The following DPP6 variants were observed in gnomAD, a reference collection of about 807,000 sequenced individuals.
DPP6 encodes the protein dipeptidyl peptidase like 6, also known as A-type potassium channel modulatory protein DPP6.
A neutral mutation model predicts 122.6 loss-of-function variants in DPP6; 69 were observed. The ratio of observed to expected loss-of-function variants is 0.56; its 90% CI spans 0.46 to 0.69. The LOEUF is 0.69. Among genes scored for constraint, DPP6 ranks in the 30% least tolerant of loss-of-function variants. The pLI is 0.00. For missense variants in DPP6, 928 were observed against 1,116.9 expected (o/e 0.83, Z 2.41); for synonymous variants, 418 against 433.1 (o/e 0.97, Z 0.43).
At chr7:154,621,614 A>G (rs902348136) in intron 5 of DPP6, among the ~76,000 whole-genome samples, 16 of 152,242 alleles carry the variant, frequency 1.1e-4, no homozygotes, top group East Asian at 1.9e-4. Context: ...TGATCCGCCC[A>G]CCTTGGCCTC....
chr7:154,063,564 C>A (rs150782198), intron 1 of DPP6, among the ~76,000 whole-genome samples: 3,571 of 125,842 alleles, frequency 0.028, 133 homozygotes, highest in South Asian at 0.05. Context: ...AGAGCTATCC[C>A]CTCTTCCGCC....
chr7:154,699,225 C>T (rs1350294479), intron 7 of DPP6, among the ~76,000 whole-genome samples: 1 of 152,100 alleles, frequency 6.6e-6, no homozygotes, highest in Non-Finnish European at 1.5e-5. Flanking sequence ...TGCTAGAAGC[C>T]GGAGGCCACT....
chr7:154,804,512 G>A (rs532738408), intron 14 of DPP6, among the ~76,000 whole-genome samples: 6 of 152,288 alleles, frequency 3.9e-5, no homozygotes, highest in African/African-American at 1.4e-4. Context: ...GGTCTTAGGT[G>A]AAAATGAGTC....
chr7:154,430,899 CGTTAA>C (rs10586014), intron 1 of DPP6, among the ~76,000 whole-genome samples: 88,092 of 151,200 alleles, frequency 0.58, 28,152 homozygotes, highest in South Asian at 0.72. Context: ...ATGTTTCTTT[CGTTAA>C]GTTAAGTCTT....
intron 1 of DPP6, among the ~76,000 whole-genome samples, chr7:154,036,310 G>A (rs939524446): frequency 1.5e-5 from 2 of 136,396 alleles, no homozygotes; most frequent in African/African-American, 2.8e-5. Context: ...TTGGGGGCGG[G>A]GGGATTCACC....
intron 1 of DPP6, among the ~76,000 whole-genome samples, chr7:154,228,810 C>T (rs1800755264): frequency 6.6e-6 from 1 of 152,136 alleles, no homozygotes; most frequent in African/African-American, 2.4e-5. Flanking sequence ...TCATTTAGTC[C>T]ATCCCTAAAG....
chr7:154,373,532 A>C (rs1812856023), intron 1 of DPP6, among the ~76,000 whole-genome samples: 1 of 152,214 alleles, frequency 6.6e-6, no homozygotes, highest in Non-Finnish European at 1.5e-5. Context: ...CACTAAATGC[A>C]GACTCCTATG....
At chr7:154,516,971 G>A (rs1826565632) in intron 3 of DPP6, among the ~76,000 whole-genome samples, 1 of 152,144 alleles carries the variant, frequency 6.6e-6, no homozygotes, top group African/African-American at 2.4e-5. Context: ...AGTCTTTTCT[G>A]TTATCTTTTT....
chr7:154,802,196 A>G (rs4960618), intron 13 of DPP6, among the ~76,000 whole-genome samples: 24,589 of 152,060 alleles, frequency 0.16, 3,263 homozygotes, highest in African/African-American at 0.37. Flanking sequence ...GATCAGGGTA[A>G]ATGAATGAAA....
chr7:154,635,822 G>C (rs1835696341), intron 5 of DPP6, among the ~76,000 whole-genome samples: 1 of 152,078 alleles, frequency 6.6e-6, no homozygotes, highest in South Asian at 2.1e-4. Flanking sequence ...ACTCTCCATG[G>C]GGCTGCTTGA....
intron 2 of DPP6, among the ~76,000 whole-genome samples, chr7:154,471,917 A>G (rs6977715): frequency 0.78 from 118,097 of 152,182 alleles, 46,075 homozygotes; most frequent in East Asian, 0.94. Flanking sequence ...TTAAATTTAA[A>G]TCCTTAGTTG....
At chr7:154,732,423 A>G (rs1174008131) in intron 8 of DPP6, among the ~76,000 whole-genome samples, 1 of 152,222 alleles carries the variant, frequency 6.6e-6, no homozygotes, top group Non-Finnish European at 1.5e-5. Flanking sequence ...ATGCATATGC[A>G]TATCCAAAAT....
At chr7:154,711,029 G>C (rs1490276020) in intron 7 of DPP6, among the ~76,000 whole-genome samples, 1 of 152,184 alleles carries the variant, frequency 6.6e-6, no homozygotes, top group Non-Finnish European at 1.5e-5. Flanking sequence ...CAGGAAATGT[G>C]ATAACTCAAG....
chr7:154,515,947 A>G (rs1278667527), intron 3 of DPP6, among the ~76,000 whole-genome samples: 1 of 152,198 alleles, frequency 6.6e-6, no homozygotes, highest in Non-Finnish European at 1.5e-5. Context: ...GAACGAAAAT[A>G]CAATCTATTC....
At chr7:153,954,733 A>G (rs1166470606) in intron 1 of DPP6, among the ~76,000 whole-genome samples, 1 of 152,216 alleles carries the variant, frequency 6.6e-6, no homozygotes, top group Non-Finnish European at 1.5e-5. Context: ...GGAATTCTCC[A>G]GCAGACGGCC....
Position 154,363,842 on chromosome 7 carries a change from G to A in DPP6, c.244-82372G>A, listed in dbSNP as rs1811935032. On this transcript the variant is annotated intron_variant, in intron 1 of 25. Coordinates refer to ENST00000377770, the MANE Select transcript of DPP6 (RefSeq NM_130797.4). Reference sequence around the variant, plus strand: ...TCAGGTTTATTTTCATCTGTTACATGTTTTAAACTGTAGCCATCTGTGTCT... The same window carrying A: ...TCAGGTTTATTTTCATCTGTTACATATTTTAAACTGTAGCCATCTGTGTCT... Among the ~76,000 whole-genome samples, 4 of 152,166 alleles carry A rather than the reference G, an allele frequency of 2.6e-5. No homozygotes were observed. In the South Asian group the frequency reaches 8.3e-4, roughly 32 times the overall value.
chr7:154,791,884 G>A (rs530121325), intron 10 of DPP6, among the ~76,000 whole-genome samples: 1 of 152,372 alleles, frequency 6.6e-6, no homozygotes, highest in East Asian at 1.9e-4. Context: ...GGCATCAAGA[G>A]AAAGTTTGCA....
At chr7:153,892,566 G>A (rs112598902) in intron 1 of DPP6, among the ~76,000 whole-genome samples, 5,594 of 152,060 alleles carry the variant, frequency 0.037, 328 homozygotes, top group African/African-American at 0.13. Context: ...TGCCCGTCTC[G>A]GCCCCCCAAA....
chr7:153,865,929 T>G, the DPP6 span, among the ~76,000 whole-genome samples: 1 of 151,964 alleles, frequency 6.6e-6, no homozygotes, highest in Non-Finnish European at 1.5e-5. Flanking sequence ...TGCGATAGTT[T>G]GCTGAGAATG....
Sources: gnomAD v4.1 joint callset for allele counts (sites outside exome capture counted in the v4.1 genomes callset) on GRCh38, gnomAD v4.1.1 for gene constraint, MANE v1.5 for transcripts, NCBI Gene and HGNC (gene_info 2026-07-23, HGNC 2026-07-21) for gene names.